TMEM38B: variants seen among roughly 807,000 people sequenced by gnomAD.
TMEM38B encodes transmembrane protein 38B, also known as trimeric intracellular cation channel type B.
In TMEM38B, 24 loss-of-function variants were observed where a neutral mutation model predicts 28.7. The ratio of observed to expected loss-of-function variants is 0.84; its 90% CI spans 0.61 to 1.18. The LOEUF (loss-of-function observed/expected upper bound fraction) is 1.18. Among genes scored for constraint, TMEM38B ranks in the 50% most tolerant of loss-of-function variants. The pLI, the probability that TMEM38B is intolerant of heterozygous loss-of-function variation, is 0.00. For synonymous variants in TMEM38B, 131 were observed against 127.7 expected (o/e 1.03, Z -0.17); for missense variants, 380 against 350.9 (o/e 1.08, Z -0.66).
chr9:105,748,004 C>T, intron 4 of TMEM38B, 69 bp from the exon 5 acceptor site: 3 of 1,030,122 alleles, frequency 2.9e-6, no homozygotes, highest in South Asian at 1.4e-5. Context: ...TTTTGCAGTG[C>T]ACTCTTTGAG....
At chr9:105,708,560 A>C (rs1242760925) in intron 2 of TMEM38B, among the ~76,000 whole-genome samples, 1 of 151,978 alleles carries the variant, frequency 6.6e-6, no homozygotes, top group Non-Finnish European at 1.5e-5. Context: ...CCTGCAAAAT[A>C]CTCGCTTTCA....
intron 4 of TMEM38B, among the ~76,000 whole-genome samples, chr9:105,736,935 C>T (rs1837006023): frequency 6.6e-6 from 1 of 152,174 alleles, no homozygotes; most frequent in South Asian, 2.1e-4. Context: ...GTACTGGCAG[C>T]ATGAGTTGTT....
At chr9:105,743,209 C>G (rs1837267776) in intron 4 of TMEM38B, among the ~76,000 whole-genome samples, 1 of 152,152 alleles carries the variant, frequency 6.6e-6, no homozygotes, top group Non-Finnish European at 1.5e-5. Flanking sequence ...TAGTGTGGCC[C>G]TACTGACACT....
At chr9:105,727,277 C>A (rs1309625727) in intron 4 of TMEM38B, among the ~76,000 whole-genome samples, 1 of 152,066 alleles carries the variant, frequency 6.6e-6, no homozygotes, top group Non-Finnish European at 1.5e-5. Context: ...GTATATTTGA[C>A]TTTTTTTCCC....
chr9:105,729,269 G>T lies in TMEM38B; in HGVS notation c.542+6648G>T, dbSNP rs1235569881. ...AATTAATTTTTGTATAAGGTGTAAGGAAGGGATCCGGTTTCAGCTTTCTAC... is the reference window on the plus strand; with the variant it reads ...AATTAATTTTTGTATAAGGTGTAAGTAAGGGATCCGGTTTCAGCTTTCTAC... On this transcript the variant is annotated intron_variant, in intron 4 of 5. Transcript: ENST00000374692. 7.2e-5 allele frequency among the ~76,000 whole-genome samples: 11 copies of T among 152,162 alleles called. 1 individual carries two copies. Among genetic ancestry groups the T allele is most frequent in the Middle Eastern group, 3.2e-3 (1 of 316 alleles).
rs1837541292 is a variant in TMEM38B at position 105,748,959 on chromosome 9, G to T, written c.660+769G>T. 3 of 746,280 alleles carry T rather than the reference G, an allele frequency of 4.0e-6. No individual in the cohort carries two copies. The South Asian group carries it at 5.6e-5, about 14-fold the overall frequency. The allele number at this position is 746,280 out of a possible 1,614,324, so 46.2% of individuals were successfully genotyped here. On this transcript the variant is annotated intron_variant, in intron 5 of 5. Transcript: ENST00000374692. ...TTATGGCCACCTCTGTTTTAGACTA[G>T]ATATTTTTGGCTAAAAACTTATCTA... is the stretch of plus-strand genomic sequence containing the variant.
At chr9:105,758,062 G>A (rs7027559) in intron 5 of TMEM38B, 16,048 of 306,720 alleles carry the variant, frequency 0.052, 1,182 homozygotes, top group African/African-American at 0.21. Flanking sequence ...TATTCAAATC[G>A]GCGGCAGGGC....
At chr9:105,749,182 A>AT in intron 5 of TMEM38B, 2 of 1,141,558 alleles carry the variant, frequency 1.8e-6, no homozygotes, top group South Asian at 1.4e-5. Context: ...AGCCGTGTAT[A>AT]TTTTTTTCTA....
chr9:105,746,766 T>G (rs764663118), intron 4 of TMEM38B, among the ~76,000 whole-genome samples: 2 of 152,212 alleles, frequency 1.3e-5, no homozygotes, highest in African/African-American at 2.4e-5. Flanking sequence ...GTACCTAATT[T>G]ATTGAAAGTT....
chr9:105,736,705 T>A (rs1283424337), intron 4 of TMEM38B, among the ~76,000 whole-genome samples: 2 of 152,236 alleles, frequency 1.3e-5, no homozygotes, highest in Non-Finnish European at 2.9e-5. Context: ...AGCATTTATA[T>A]CTGTACATCT....
intron 4 of TMEM38B, among the ~76,000 whole-genome samples, chr9:105,723,162 G>T (rs1420614281): frequency 3.3e-5 from 5 of 152,164 alleles, no homozygotes; most frequent in Admixed American, 6.5e-5. Context: ...AACCCATTGT[G>T]TGATACAAAC....
intron 5 of TMEM38B, among the ~76,000 whole-genome samples, chr9:105,770,440 T>C (rs949354758): frequency 6.6e-6 from 1 of 152,190 alleles, no homozygotes; most frequent in Non-Finnish European, 1.5e-5. Context: ...AAGATATACA[T>C]TGAATAAGGT....
chr9:105,749,502 C>A (rs181031601), intron 5 of TMEM38B, among the ~76,000 whole-genome samples: 161 of 152,244 alleles, frequency 1.1e-3, no homozygotes, highest in African/African-American at 3.8e-3. Context: ...CATCTGGCCC[C>A]GCCCTTGTAC....
At chr9:105,747,776 G>T (rs1238870697) in intron 4 of TMEM38B, among the ~76,000 whole-genome samples, 1 of 152,134 alleles carries the variant, frequency 6.6e-6, no homozygotes, top group Non-Finnish European at 1.5e-5. Flanking sequence ...GGTATGTTGT[G>T]TCGTTGTTCT....
In TMEM38B at chr9:105,749,029, T is replaced by C. The variant is rs1181583549; in HGVS notation, c.660+839T>C. 2.4e-6 allele frequency: 3 copies of C among 1,273,866 alleles called. No individual in the cohort carries two copies. In the African/African-American group the frequency reaches 4.6e-5, roughly 20 times the overall value. The allele number at this position is 1,273,866 out of a possible 1,614,324, so 78.9% of individuals were successfully genotyped here. A position where few individuals can be genotyped will look rare whatever the true frequency, so the allele number is the denominator to read the frequency against. ...ACAGGATAGATTATATAAATATGTGTCTTAGAATGAAGTCACTGTGTGAAT... is the reference window on the plus strand; with the variant it reads ...ACAGGATAGATTATATAAATATGTGCCTTAGAATGAAGTCACTGTGTGAAT... On this transcript the variant is annotated intron_variant, in intron 5 of 5. Coordinates refer to ENST00000374692, the MANE Select transcript of TMEM38B (RefSeq NM_018112.3).
chr9:105,772,504 G>T (rs1355144369), intron 5 of TMEM38B, among the ~76,000 whole-genome samples: 1 of 152,056 alleles, frequency 6.6e-6, no homozygotes. Context: ...CTCTTGAATA[G>T]TAGCCCCATC....
intron 4 of TMEM38B, among the ~76,000 whole-genome samples, chr9:105,726,468 G>A (rs1388322643): frequency 6.6e-6 from 1 of 152,002 alleles, no homozygotes; most frequent in African/African-American, 2.4e-5. Flanking sequence ...CCCAGGGTCA[G>A]GATCATCAAT....
At chr9:105,707,529 T>A (rs1174396946) in intron 2 of TMEM38B, among the ~76,000 whole-genome samples, 2 of 152,162 alleles carry the variant, frequency 1.3e-5, no homozygotes, top group African/African-American at 4.8e-5. Flanking sequence ...AAAATGAATA[T>A]GTAACCAGTT....
intron 2 of TMEM38B, among the ~76,000 whole-genome samples, chr9:105,718,485 G>T (rs1233613375): frequency 6.6e-6 from 1 of 152,050 alleles, no homozygotes; most frequent in Non-Finnish European, 1.5e-5. Flanking sequence ...TGATCCTCCC[G>T]CCTTGGCCTC....
Sources: gnomAD v4.1 joint callset for allele counts (sites outside exome capture counted in the v4.1 genomes callset) on GRCh38, gnomAD v4.1.1 for gene constraint, MANE v1.5 for transcripts, NCBI Gene and HGNC (gene_info 2026-07-23, HGNC 2026-07-21) for gene names.